Variants in EML4 observed in about 807,000 individuals in gnomAD.
EML4 encodes echinoderm microtubule-associated protein-like 4.
EML4 carries 72 observed loss-of-function variants against 129.0 expected under a neutral mutation model. The observed-to-expected ratio is 0.56, with a 90% CI of 0.46 to 0.68. EML4 has a LOEUF of 0.68. Ranked by LOEUF, EML4 falls within the 30% of genes least tolerant of loss-of-function variation. The pLI is 0.00. For synonymous variants in EML4, 532 were observed against 405.0 expected (o/e 1.31, Z -3.77); for missense variants, 1,363 against 1,190.6 (o/e 1.14, Z -2.13).
intron 2 of EML4, among the ~76,000 whole-genome samples, chr2:42,249,831 T>C (rs1558539748): frequency 6.6e-6 from 1 of 152,150 alleles, no homozygotes; most frequent in Non-Finnish European, 1.5e-5. Flanking sequence ...GTCACTTAAA[T>C]TTTTCATATA....
intron 1 of EML4, among the ~76,000 whole-genome samples, chr2:42,195,576 AAT>A (rs1671852720): frequency 6.6e-6 from 1 of 152,186 alleles, no homozygotes; most frequent in African/African-American, 2.4e-5. Flanking sequence ...TGCTTGTGCC[AAT>A]ATATAGACCA....
At chr2:42,263,461 G>A (rs190994472) in intron 5 of EML4, among the ~76,000 whole-genome samples, 155 bp downstream of exon 5, 2 of 138,806 alleles carry the variant, frequency 1.4e-5, no homozygotes, top group Admixed American at 1.6e-4. Flanking sequence ...CTGGAGTGCA[G>A]TGGCACCATC....
At chr2:42,253,528 G>A (rs1008611856) in intron 2 of EML4, among the ~76,000 whole-genome samples, 1 of 152,148 alleles carries the variant, frequency 6.6e-6, no homozygotes, top group Non-Finnish European at 1.5e-5. Flanking sequence ...GCACAGTGTA[G>A]CGATGCCATA....
chr2:42,306,815 A>G (rs1338023878), intron 17 of EML4, among the ~76,000 whole-genome samples: 1 of 151,876 alleles, frequency 6.6e-6, no homozygotes. Context: ...TTCTTTTTAT[A>G]TGTTACTCTT....
chr2:42,192,820 T>C (rs1419932008), intron 1 of EML4, among the ~76,000 whole-genome samples: 3 of 152,200 alleles, frequency 2.0e-5, no homozygotes, highest in African/African-American at 4.8e-5. Context: ...TCCAGTATCA[T>C]GATTTTCACT....
intron 6 of EML4, among the ~76,000 whole-genome samples, chr2:42,277,084 C>T (rs1003553306): frequency 6.6e-6 from 1 of 152,092 alleles, no homozygotes; most frequent in African/African-American, 2.4e-5. Context: ...ATCACTAACC[C>T]TCCCCCTTTG....
intron 6 of EML4, among the ~76,000 whole-genome samples, chr2:42,276,993 G>T (rs1427802723): frequency 6.6e-6 from 1 of 152,112 alleles, no homozygotes; most frequent in Non-Finnish European, 1.5e-5. Flanking sequence ...TTCTTAGGCT[G>T]CTTGACACTT....
intron 21 of EML4, among the ~76,000 whole-genome samples, chr2:42,327,326 G>A (rs779850950): frequency 3.3e-5 from 5 of 152,198 alleles, no homozygotes; most frequent in Non-Finnish European, 5.9e-5. Flanking sequence ...AGGTTTTTGT[G>A]TAGACATGTT....
chr2:42,265,520 A>C (rs1442677722), intron 6 of EML4, among the ~76,000 whole-genome samples: 2 of 152,184 alleles, frequency 1.3e-5, no homozygotes, highest in Non-Finnish European at 2.9e-5. Context: ...GATTATAGGC[A>C]TGAGCCACCA....
intron 7 of EML4, among the ~76,000 whole-genome samples, chr2:42,281,569 C>A (rs879848947): frequency 2.6e-5 from 4 of 152,142 alleles, no homozygotes; most frequent in Non-Finnish European, 5.9e-5. Flanking sequence ...AGTTTTGGCC[C>A]TGCCACTTAC....
chr2:42,210,497 C>A (rs76913555), intron 1 of EML4, among the ~76,000 whole-genome samples: 1,918 of 152,234 alleles, frequency 0.013, 20 homozygotes, highest in Non-Finnish European at 0.02. Flanking sequence ...AATTACTTTT[C>A]CCAACCCCTT....
intron 1 of EML4, among the ~76,000 whole-genome samples, chr2:42,200,051 T>G (rs1672126864): frequency 6.6e-6 from 1 of 151,376 alleles, no homozygotes. Flanking sequence ...GGCTGACGCT[T>G]GTAATCCCAG....
chr2:42,215,458 G>A (rs183024294), intron 1 of EML4, among the ~76,000 whole-genome samples: 1 of 151,784 alleles, frequency 6.6e-6, no homozygotes, highest in Non-Finnish European at 1.5e-5. Flanking sequence ...AGCTTCCAGG[G>A]TACTCTGCAA....
intron 17 of EML4, among the ~76,000 whole-genome samples, chr2:42,314,665 C>T (rs1291402170): frequency 6.6e-6 from 1 of 152,082 alleles, no homozygotes; most frequent in Non-Finnish European, 1.5e-5. Context: ...TGTATTTGTT[C>T]ACTTATTCAT....
chr2:42,253,733 A>G (rs923970905), intron 2 of EML4, among the ~76,000 whole-genome samples: 1 of 152,202 alleles, frequency 6.6e-6, no homozygotes, highest in Non-Finnish European at 1.5e-5. Flanking sequence ...AAAAAAAGAC[A>G]AAAAACAAAA....
At chr2:42,317,255 T>G (rs1669291854) in intron 18 of EML4, among the ~76,000 whole-genome samples, 172 bp from the exon 19 acceptor site, 1 of 152,210 alleles carries the variant, frequency 6.6e-6, no homozygotes, top group African/African-American at 2.4e-5. Flanking sequence ...GGATTGTGTA[T>G]TAGACTGGAT....
intron 2 of EML4, among the ~76,000 whole-genome samples, chr2:42,253,732 C>A (rs1209503030): frequency 4.6e-5 from 7 of 151,846 alleles, no homozygotes; most frequent in Non-Finnish European, 1.0e-4. Context: ...AAAAAAAAGA[C>A]AAAAAACAAA....
intron 13 of EML4, among the ~76,000 whole-genome samples, chr2:42,300,448 G>C (rs1398262709): frequency 6.6e-6 from 1 of 152,142 alleles, no homozygotes; most frequent in Non-Finnish European, 1.5e-5. Flanking sequence ...GTACCCCCTT[G>C]GTCTCTCCCT....
At position 42,330,141 on chromosome 2, in the gene EML4, G is replaced by T; in HGVS notation, c.2880G>T (p.Glu960Asp). 1 of 1,612,150 alleles carries T rather than the reference G, an allele frequency of 6.2e-7. No individual in the cohort carries two copies. Among genetic ancestry groups the T allele is most frequent in the East Asian group, 2.2e-5 (1 of 44,850 alleles). Residue 960 changes from glutamate to aspartate, a missense_variant, in exon 23 of 23, where the codon GAG (glutamate) becomes GAT (aspartate). Transcript: ENST00000318522. ...CTCTTTATGAAGAGCCATGCAACGA[G>T]ATAAGCAAGGAGCAGGCCAAAGCCA... ...GEPLYEEPCN[E>D]ISKEQAKATL...
Sources: allele counts gnomAD v4.1 joint callset (sites outside exome capture counted in the v4.1 genomes callset), GRCh38; gene constraint gnomAD v4.1.1; transcripts MANE v1.5; gene names NCBI Gene and HGNC (gene_info 2026-07-23, HGNC 2026-07-21).